Variants in GSE1 observed in about 807,000 individuals in gnomAD.
GSE1 encodes the protein genetic suppressor element 1.
In GSE1, 32 loss-of-function variants were observed where a neutral mutation model predicts 112.6. The ratio of observed to expected loss-of-function variants is 0.28; its 90% CI spans 0.21 to 0.38. GSE1 has a LOEUF of 0.38. Ranked by LOEUF, GSE1 falls within the 10% of genes least tolerant of loss-of-function variation. GSE1 has a pLI of 1.00. For synonymous variants in GSE1, 1,115 were observed against 735.6 expected (o/e 1.52, Z -8.35); for missense variants, 2,348 against 1,699.2 (o/e 1.38, Z -6.71).
chr16:85,566,445 T>C (rs1226545606), intron 1 of GSE1, among the ~76,000 whole-genome samples: 2 of 152,206 alleles, frequency 1.3e-5, no homozygotes, highest in African/African-American at 4.8e-5. Flanking sequence ...CTGCGTCCCA[T>C]GTAAGGAAAG....
At chr16:85,391,719 A>C (rs977748260) in intron 2 of GSE1, among the ~76,000 whole-genome samples, 1 of 152,214 alleles carries the variant, frequency 6.6e-6, no homozygotes, top group Non-Finnish European at 1.5e-5. Flanking sequence ...CCGGGTGGAC[A>C]TGAATTGGGG....
chr16:85,553,124 C>T (rs1013120667), upstream of GSE1, among the ~76,000 whole-genome samples: 3 of 151,666 alleles, frequency 2.0e-5, no homozygotes, highest in South Asian at 2.1e-4. Context: ...GTCTAACCCG[C>T]GCTCTGGCCG....
rs2051697885 is a variant in GSE1 at position 85,654,198 on chromosome 16, G to T, written c.427-80G>T. On this transcript the variant is annotated intron_variant, in intron 3 of 15. Transcript: ENST00000253458. ...TGAACTAAATCTAGCGCCTTCCCGT[G>T]AGTCAGGAGACCTGGCTGTGTCCTG... 4 of 1,314,688 alleles carry T rather than the reference G, an allele frequency of 3.0e-6. No homozygotes were observed. In the South Asian group the frequency reaches 5.3e-5, roughly 17 times the overall value. The allele number at this position is 1,314,688 out of a possible 1,614,324, so 81.4% of individuals were successfully genotyped here. A position where few individuals can be genotyped will look rare whatever the true frequency, so the allele number is the denominator to read the frequency against.
Position 85,202,325 on chromosome 16 carries a change from C to T in GSE1, c.2283+30518C>T, listed in dbSNP as rs1006214462. Among the ~76,000 whole-genome samples, 36 of 152,248 alleles carry T rather than the reference C, an allele frequency of 2.4e-4. 2 individuals carry two copies. The highest frequency in any genetic ancestry group is 1.8e-4 in the Non-Finnish European group (12 of 68,036). On this transcript the variant is annotated intron_variant, in intron 1 of 2. Coordinates refer to the GSE1 transcript ENST00000637419. ...GGACTTCCCTACATCCTCATTCTTC[C>T]CCGTTTGTGCCCCACACGGCCTCCA... is the stretch of plus-strand genomic sequence containing the variant.
At chr16:85,360,562 C>A (rs748531187) in intron 2 of GSE1, among the ~76,000 whole-genome samples, 14 of 152,172 alleles carry the variant, frequency 9.2e-5, no homozygotes, top group Admixed American at 6.5e-5. Flanking sequence ...ACACCTGCCA[C>A]CTCTCATCCG....
At chr16:85,625,245 C>T (rs1443458782) in intron 1 of GSE1, among the ~76,000 whole-genome samples, 1 of 152,238 alleles carries the variant, frequency 6.6e-6, no homozygotes, top group Non-Finnish European at 1.5e-5. Flanking sequence ...GCACACACAG[C>T]AGCCGCTTAG....
intron 1 of GSE1, among the ~76,000 whole-genome samples, chr16:85,287,046 C>T (rs1287301639): frequency 2.6e-5 from 4 of 152,236 alleles, no homozygotes; most frequent in Non-Finnish European, 4.4e-5. Context: ...CTTGTTTCTC[C>T]AGCGCCTCTG....
At chr16:85,605,016 A>T (rs1173505680) in intron 1 of GSE1, among the ~76,000 whole-genome samples, 11 of 147,468 alleles carry the variant, frequency 7.5e-5, no homozygotes, top group Non-Finnish European at 1.6e-4. Context: ...ATGGGGTTTC[A>T]CCGTGTTAGC....
intron 1 of GSE1, among the ~76,000 whole-genome samples, chr16:85,195,833 G>T (rs950211601): frequency 2.6e-5 from 4 of 152,128 alleles, no homozygotes; most frequent in Non-Finnish European, 4.4e-5. Flanking sequence ...CATTTACACA[G>T]AGTTAAAAAA....
At chr16:85,208,962 G>A (rs960128693) in intron 1 of GSE1, among the ~76,000 whole-genome samples, 35 of 150,498 alleles carry the variant, frequency 2.3e-4, no homozygotes, top group Admixed American at 2.0e-4. Context: ...GTTGGGGTTC[G>A]CCTGTGTTGG....
Position 85,408,126 on chromosome 16 carries a change from G to GGC in GSE1, c.2464+50483_2464+50484insGC, listed in dbSNP as rs1555581526. Among the ~76,000 whole-genome samples, 8 of 32,054 alleles carry GGC rather than the reference G, an allele frequency of 2.5e-4. 1 individual carries two copies. Among genetic ancestry groups the GGC allele is most frequent in the Admixed American group, 5.2e-4 (2 of 3,868 alleles). The allele number at this position is 32,054 out of a possible 152,430, so 21.0% of individuals were successfully genotyped here. On this transcript the variant is annotated intron_variant, in intron 2 of 2. Transcript: ENST00000637419. ...GGATAATCCTCACTGTTACTCTCAG[G>GGC]CCCCCTGGATAATCCTCACTGTTAC...
At chr16:85,267,848 G>A (rs1308821947) in intron 1 of GSE1, among the ~76,000 whole-genome samples, 1 of 152,212 alleles carries the variant, frequency 6.6e-6, no homozygotes, top group Non-Finnish European at 1.5e-5. Context: ...CATGAGCCAT[G>A]GAACCAGATG....
At chr16:85,214,083 T>G (rs1033161298) in intron 1 of GSE1, among the ~76,000 whole-genome samples, 3 of 152,144 alleles carry the variant, frequency 2.0e-5, no homozygotes, top group African/African-American at 7.2e-5. Flanking sequence ...GCCTGGCTGT[T>G]TGGAGTGCAC....
At chr16:85,603,384 G>A (rs1026315888) in intron 1 of GSE1, among the ~76,000 whole-genome samples, 8 of 152,236 alleles carry the variant, frequency 5.3e-5, no homozygotes, top group African/African-American at 1.2e-4. Flanking sequence ...AGGGTCATCC[G>A]CACAGCCCGA....
intron 1 of GSE1, among the ~76,000 whole-genome samples, chr16:85,188,163 G>A (rs1488200444): frequency 2.6e-5 from 4 of 152,180 alleles, no homozygotes; most frequent in East Asian, 1.9e-4. Context: ...TCAACACCCC[G>A]TGGGCTCCCA....
intron 4 of GSE1, 90 bp from the exon 5 acceptor site, chr16:85,654,704 A>C: frequency 1.2e-6 from 1 of 851,830 alleles, no homozygotes. Context: ...ACTGAGCGCC[A>C]GGGGTGATGC....
chr16:85,547,631 A>G (rs971343146), intron 2 of GSE1, among the ~76,000 whole-genome samples: 38 of 152,362 alleles, frequency 2.5e-4, no homozygotes, highest in African/African-American at 7.2e-4. Flanking sequence ...CTGTAATCCC[A>G]GCACTTTGGG....
At chr16:85,619,487 TG>T (rs1234347072) in intron 1 of GSE1, among the ~76,000 whole-genome samples, 1 of 151,976 alleles carries the variant, frequency 6.6e-6, no homozygotes, top group African/African-American at 2.4e-5. Flanking sequence ...TCTTCTGGGT[TG>T]GGGGGCAAAG....
chr16:85,635,325 C>G (rs1350809171), intron 2 of GSE1, among the ~76,000 whole-genome samples: 2 of 152,182 alleles, frequency 1.3e-5, no homozygotes, highest in Non-Finnish European at 2.9e-5. Flanking sequence ...CCTGGCTCTT[C>G]CTGGCAAACC....
Sources: gnomAD v4.1 joint callset for allele counts (sites outside exome capture counted in the v4.1 genomes callset) on GRCh38, gnomAD v4.1.1 for gene constraint, MANE v1.5 for transcripts, NCBI Gene and HGNC (gene_info 2026-07-23, HGNC 2026-07-21) for gene names.